Variants in LARP4B observed in about 807,000 individuals in gnomAD.
LARP4B encodes La ribonucleoprotein 4B, also known as la-related protein 4B.
In LARP4B, 12 loss-of-function variants were observed where a neutral mutation model predicts 89.8. That is an observed-to-expected ratio of 0.13 (90% confidence interval 0.09 to 0.22). The LOEUF (loss-of-function observed/expected upper bound fraction) is 0.22, where lower values mean the gene tolerates loss of function less well. LARP4B is among the 10% of genes least tolerant of loss of function. LARP4B has a pLI of 1.00. For synonymous variants in LARP4B, 367 were observed against 363.3 expected (o/e 1.01, Z -0.12); for missense variants, 757 against 947.7 (o/e 0.80, Z 2.64).
At chr10:838,564 T>C (rs1246034465) in intron 7 of LARP4B, among the ~76,000 whole-genome samples, 1 of 152,172 alleles carries the variant, frequency 6.6e-6, no homozygotes, top group Non-Finnish European at 1.5e-5. Context: ...CAATGAGATG[T>C]CACTGCATAC....
intron 13 of LARP4B, among the ~76,000 whole-genome samples, chr10:823,568 C>T (rs929633292): frequency 1.3e-5 from 2 of 151,564 alleles, no homozygotes; most frequent in East Asian, 1.9e-4. Flanking sequence ...ACAAGGCACA[C>T]TGAAGAGCAC....
chr10:899,721 T>C (rs1407721908), intron 1 of LARP4B, among the ~76,000 whole-genome samples: 1 of 152,206 alleles, frequency 6.6e-6, no homozygotes, highest in Non-Finnish European at 1.5e-5. Context: ...CAGCACAAGA[T>C]GCTCCTAGAC....
At chr10:866,612 A>C (rs145886248) in intron 3 of LARP4B, among the ~76,000 whole-genome samples, 1 of 152,168 alleles carries the variant, frequency 6.6e-6, no homozygotes, top group East Asian at 1.9e-4. Context: ...ACTTCCATAC[A>C]TCACCTTTCC....
At chr10:929,272 A>G (rs1837236345) in intron 1 of LARP4B, among the ~76,000 whole-genome samples, 1 of 152,222 alleles carries the variant, frequency 6.6e-6, no homozygotes, top group South Asian at 2.1e-4. Flanking sequence ...TTCTGCTAAT[A>G]GATTGACAGC....
intron 1 of LARP4B, among the ~76,000 whole-genome samples, chr10:917,015 C>G (rs901312994): frequency 2.0e-5 from 3 of 152,092 alleles, no homozygotes; most frequent in Non-Finnish European, 2.9e-5. Flanking sequence ...CTCTTGAATA[C>G]AAGTTTCTGA....
At chr10:958,065 G>A in the LARP4B span, among the ~76,000 whole-genome samples, 6 of 152,154 alleles carry the variant, frequency 3.9e-5, no homozygotes, top group Non-Finnish European at 8.8e-5. Flanking sequence ...CCAGAGTGCT[G>A]GGATTACAGG....
At chr10:821,056 TC>T in intron 13 of LARP4B, 1 of 566,834 alleles carries the variant, frequency 1.8e-6, no homozygotes, top group Non-Finnish European at 3.1e-6. Flanking sequence ...AACGTGGAAG[TC>T]CAGGCAAGTG....
At chr10:902,223 C>T (rs956932672) in intron 1 of LARP4B, among the ~76,000 whole-genome samples, 1 of 152,114 alleles carries the variant, frequency 6.6e-6, no homozygotes, top group South Asian at 2.1e-4. Flanking sequence ...AAACCTTTGA[C>T]GAACTCAAAA....
At chr10:973,086 C>G in the LARP4B span, 1 of 360,032 alleles carries the variant, frequency 2.8e-6, no homozygotes, top group Non-Finnish European at 5.4e-6. Flanking sequence ...CCCTGTGCTG[C>G]GGGCTGCCTT....
In LARP4B at chr10:844,969, A is replaced by C. The variant is rs1833702911; in HGVS notation, c.509+8T>G. ...ATCAGGTACTAGAAAAACCACCACC[A>C]GCCTTACCTAGATAAGCAGAATTCC... On this transcript the variant is annotated splice_region_variant and intron_variant, in intron 6 of 17. Coordinates refer to ENST00000316157, the MANE Select transcript of LARP4B (RefSeq NM_015155.3). The C allele has an allele frequency of 6.2e-7, 1 of 1,604,066 alleles. No individual in the cohort carries two copies. The highest frequency in any genetic ancestry group is 8.5e-7 in the Non-Finnish European group (1 of 1,176,042).
chr10:832,103 G>A (rs899178977), intron 8 of LARP4B, among the ~76,000 whole-genome samples: 2 of 152,096 alleles, frequency 1.3e-5, no homozygotes, highest in Non-Finnish European at 2.9e-5. Context: ...GAGTTCAGTG[G>A]CGCTATCTCG....
intron 6 of LARP4B, among the ~76,000 whole-genome samples, chr10:843,831 G>GCCTA (rs1441216136): frequency 6.6e-6 from 1 of 152,150 alleles, no homozygotes; most frequent in Non-Finnish European, 1.5e-5. Context: ...TCACCAGAGG[G>GCCTA]CCTATATCCA....
chr10:947,605 A>G, the LARP4B span, among the ~76,000 whole-genome samples: 2 of 152,028 alleles, frequency 1.3e-5, no homozygotes, highest in East Asian at 3.9e-4. Flanking sequence ...TCATGACCTT[A>G]ATGAAATGAG....
At chr10:938,486 C>T in the LARP4B span, among the ~76,000 whole-genome samples, 2 of 152,110 alleles carry the variant, frequency 1.3e-5, no homozygotes, top group Non-Finnish European at 2.9e-5. Flanking sequence ...ATCTCCTGCT[C>T]TTGTGATCCG....
chr10:909,677 C>G (rs781155921), intron 1 of LARP4B, among the ~76,000 whole-genome samples: 1 of 151,754 alleles, frequency 6.6e-6, no homozygotes, highest in Admixed American at 6.6e-5. Context: ...CCCAGCTACT[C>G]GGGAGGCTGA....
chr10:834,206 TG>T (rs749543176), intron 8 of LARP4B, among the ~76,000 whole-genome samples: 1 of 152,336 alleles, frequency 6.6e-6, no homozygotes, highest in Non-Finnish European at 1.5e-5. Context: ...GGGATTCTAA[TG>T]CCCTATGTTG....
Position 885,729 on chromosome 10 carries a change from A to G in LARP4B, c.-8T>C. On this transcript the variant is annotated 5_prime_UTR_variant, in exon 2 of 18. Transcript: ENST00000316157. Reference sequence around the variant, plus strand: ...GTCCTGATCAGAAGTCATGGGCTCCACTGGGAGAAGTGTAATGCTAACCTC... The same window carrying G: ...GTCCTGATCAGAAGTCATGGGCTCCGCTGGGAGAAGTGTAATGCTAACCTC... 6.2e-7 allele frequency: 1 copy of G among 1,612,786 alleles called. No homozygotes were observed. Among genetic ancestry groups the G allele is most frequent in the South Asian group, 1.1e-5 (1 of 91,020 alleles).
At chr10:841,224 G>A (rs116318409) in intron 7 of LARP4B, among the ~76,000 whole-genome samples, 42 of 152,090 alleles carry the variant, frequency 2.8e-4, no homozygotes, top group South Asian at 1.5e-3. Flanking sequence ...TTGCTCCTGC[G>A]GACCTATTTA....
chr10:817,917 C>A, intron 14 of LARP4B, 28 bp from the exon 15 acceptor site: 1 of 1,599,558 alleles, frequency 6.3e-7, no homozygotes, highest in Non-Finnish European at 8.6e-7. Flanking sequence ...CCCAGGGTCA[C>A]GGTATGGAGA....
Sources: allele counts gnomAD v4.1 joint callset (sites outside exome capture counted in the v4.1 genomes callset), GRCh38; gene constraint gnomAD v4.1.1; transcripts MANE v1.5; gene names NCBI Gene and HGNC (gene_info 2026-07-23, HGNC 2026-07-21).